Variants in CMIP observed in about 807,000 individuals in gnomAD.
CMIP encodes the protein c-Maf inducing protein.
In CMIP, 13 loss-of-function variants were observed where a neutral mutation model predicts 97.3. The observed-to-expected ratio is 0.13, with a 90% confidence interval of 0.09 to 0.21. The LOEUF (loss-of-function observed/expected upper bound fraction) is 0.21. Ranked by LOEUF, CMIP falls within the 10% of genes least tolerant of loss-of-function variation. The pLI is 1.00. For synonymous variants in CMIP, 538 were observed against 436.3 expected, an observed-to-expected ratio of 1.23 and a Z score of -2.91; for missense variants, 847 against 1,024.9, an observed-to-expected ratio of 0.83 and a Z score of 2.37.
chr16:81,644,650 TG>T (rs557591862), intron 3 of CMIP, among the ~76,000 whole-genome samples: 228 of 152,340 alleles, frequency 1.5e-3, no homozygotes, highest in African/African-American at 5.2e-3. Flanking sequence ...CATGGCTTGC[TG>T]GAGATAGCAA....
chr16:81,502,860 A>G (rs909115239), intron 1 of CMIP, among the ~76,000 whole-genome samples: 2 of 152,356 alleles, frequency 1.3e-5, no homozygotes, highest in African/African-American at 2.4e-5. Flanking sequence ...AACAGGCCTC[A>G]GGGCAGAGCC....
At chr16:81,580,715 C>G (rs111962740) in intron 1 of CMIP, among the ~76,000 whole-genome samples, 1 of 151,362 alleles carries the variant, frequency 6.6e-6, no homozygotes, top group Non-Finnish European at 1.5e-5. Flanking sequence ...GGATTACAGG[C>G]GTGAGCCACT....
Position 81,699,415 on chromosome 16 carries a change from A to G in CMIP, c.1639-270A>G, listed in dbSNP as rs147571182. Among the ~76,000 whole-genome samples the G allele has an allele frequency of 2.3e-4, 35 of 152,382 alleles. No individual in the cohort carries two copies. In the East Asian group the frequency reaches 6.5e-3, roughly 28 times the overall value. Reference sequence around the variant, plus strand: ...AAATCAGGTACTACTAAAAGGCAAAAGACAGAATGAAAAGAGGGATCATGA... The same window carrying G: ...AAATCAGGTACTACTAAAAGGCAAAGGACAGAATGAAAAGAGGGATCATGA... On this transcript the variant is annotated intron_variant, in intron 14 of 20. Transcript: ENST00000537098.
chr16:81,640,749 T>C (rs977699081), intron 3 of CMIP, among the ~76,000 whole-genome samples: 3 of 134,220 alleles, frequency 2.2e-5, no homozygotes, highest in African/African-American at 8.5e-5. Flanking sequence ...TGTGTGTGTG[T>C]GTGTGTGTGT....
At chr16:81,613,076 C>T (rs535854806) in intron 2 of CMIP, among the ~76,000 whole-genome samples, 14 of 152,198 alleles carry the variant, frequency 9.2e-5, no homozygotes, top group African/African-American at 2.9e-4. Flanking sequence ...TGCCTAGCAG[C>T]GTATGTCCTC....
At chr16:81,696,952 C>G (rs989092124) in intron 14 of CMIP, 1 of 484,380 alleles carries the variant, frequency 2.1e-6, no homozygotes, top group Non-Finnish European at 3.7e-6. Context: ...CATTTTATAC[C>G]CAAGGCAGCT....
intron 4 of CMIP, among the ~76,000 whole-genome samples, chr16:81,654,153 C>T (rs867904212): frequency 2.6e-5 from 4 of 152,172 alleles, no homozygotes; most frequent in East Asian, 1.9e-4. Context: ...TTGCCGGCCT[C>T]GGGCAAGATT....
At chr16:81,605,661 G>A (rs1338917851) in intron 1 of CMIP, among the ~76,000 whole-genome samples, 1 of 152,144 alleles carries the variant, frequency 6.6e-6, no homozygotes, top group African/African-American at 2.4e-5. Context: ...CCACCTCTGA[G>A]CCTTTGCACT....
chr16:81,624,855 C>T (rs922029184), intron 3 of CMIP, among the ~76,000 whole-genome samples: 7 of 152,332 alleles, frequency 4.6e-5, no homozygotes, highest in Admixed American at 2.6e-4. Context: ...ATCTTGGTCA[C>T]GCTTTTCCGT....
chr16:81,473,527 A>C (rs1294269080), intron 1 of CMIP, among the ~76,000 whole-genome samples: 2 of 140,274 alleles, frequency 1.4e-5, no homozygotes, highest in African/African-American at 5.4e-5. Flanking sequence ...AAAACTGGAG[A>C]CTTGGTTGTA....
At chr16:81,478,906 G>C (rs1204081295) in intron 1 of CMIP, among the ~76,000 whole-genome samples, 2 of 152,148 alleles carry the variant, frequency 1.3e-5, no homozygotes, top group Non-Finnish European at 2.9e-5. Flanking sequence ...CCTGGAGCCA[G>C]CCCAGCCTCG....
At chr16:81,449,335 A>T (rs1368439662) in intron 1 of CMIP, among the ~76,000 whole-genome samples, 3 of 152,144 alleles carry the variant, frequency 2.0e-5, no homozygotes, top group African/African-American at 4.8e-5. Flanking sequence ...GGGCATCTTG[A>T]TATGGATGGG....
intron 1 of CMIP, among the ~76,000 whole-genome samples, chr16:81,523,280 C>T (rs991387674): frequency 1.3e-5 from 2 of 152,210 alleles, no homozygotes; most frequent in African/African-American, 4.8e-5. Flanking sequence ...CGACGATGCT[C>T]ATGTGTTGGA....
intron 1 of CMIP, chr16:81,518,345 G>A (rs750277527): frequency 5.9e-5 from 9 of 152,266 alleles, no homozygotes; most frequent in Non-Finnish European, 1.0e-4. Context: ...TGTCGGGACC[G>A]TGAATTAACA....
intron 3 of CMIP, among the ~76,000 whole-genome samples, chr16:81,625,432 C>T (rs1483937961): frequency 6.6e-6 from 1 of 152,282 alleles, no homozygotes; most frequent in East Asian, 1.9e-4. Context: ...GGCTCATGCC[C>T]TGGCCCTCAG....
chr16:81,504,689 G>C (rs1047461427), intron 1 of CMIP, among the ~76,000 whole-genome samples: 2 of 149,116 alleles, frequency 1.3e-5, no homozygotes, highest in Non-Finnish European at 3.0e-5. Context: ...AAAAATGGCC[G>C]GTGGGCCTGC....
chr16:81,659,136 C>A (rs8051922), intron 5 of CMIP, among the ~76,000 whole-genome samples: 1 of 152,182 alleles, frequency 6.6e-6, no homozygotes, highest in Non-Finnish European at 1.5e-5. Context: ...TCAACCTGGG[C>A]ACCCCCAATC....
chr16:81,626,281 CTG>C (rs528161376), intron 3 of CMIP, among the ~76,000 whole-genome samples: 145 of 151,400 alleles, frequency 9.6e-4, no homozygotes, highest in Admixed American at 5.3e-4. Flanking sequence ...CTGAGTGTGA[CTG>C]TGTGTTGTGT....
chr16:81,681,352 C>T (rs1278385125), intron 10 of CMIP, among the ~76,000 whole-genome samples: 1 of 152,228 alleles, frequency 6.6e-6, no homozygotes, highest in Non-Finnish European at 1.5e-5. Context: ...AAGTGAGATA[C>T]GTCAGGAAAG....
Sources: allele counts gnomAD v4.1 joint callset (sites outside exome capture counted in the v4.1 genomes callset), GRCh38; gene constraint gnomAD v4.1.1; transcripts MANE v1.5; gene names NCBI Gene and HGNC (gene_info 2026-07-23, HGNC 2026-07-21).